SOS2: variants seen among roughly 807,000 people sequenced by gnomAD.
The protein encoded by SOS2 is son of sevenless homolog 2.
SOS2 carries 65 observed loss-of-function variants against 148.2 expected under a neutral mutation model. The ratio of observed to expected loss-of-function variants is 0.44; its 90% CI spans 0.36 to 0.54. The LOEUF (loss-of-function observed/expected upper bound fraction) is 0.54. Ranked by LOEUF, SOS2 falls within the 20% of genes least tolerant of loss-of-function variation. The probability of loss-of-function intolerance (pLI) is 0.00; values close to 1 mark genes in which losing one functional copy is unlikely to be tolerated. For synonymous variants in SOS2, 539 were observed against 537.1 expected, an observed-to-expected ratio of 1.00 and a Z score of -0.05; for missense variants, 1,341 against 1,590.2, an observed-to-expected ratio of 0.84 and a Z score of 2.67.
chr14:50,132,584 C>G (rs1883916314), intron 19 of SOS2, among the ~76,000 whole-genome samples: 1 of 151,974 alleles, frequency 6.6e-6, no homozygotes, highest in Non-Finnish European at 1.5e-5. Flanking sequence ...TTGCTTGAAC[C>G]TGGGAGGTGG....
intron 4 of SOS2, among the ~76,000 whole-genome samples, chr14:50,197,931 C>T (rs966258297): frequency 4.0e-5 from 6 of 151,328 alleles, no homozygotes; most frequent in Admixed American, 4.0e-4. Flanking sequence ...CTTAAGTGAC[C>T]TGCCCGCCTC....
At chr14:50,134,298 TAAAA>T (rs763172249) in intron 18 of SOS2, 59 bp from the exon 19 acceptor site, 7 of 801,308 alleles carry the variant, frequency 8.7e-6, no homozygotes, top group Non-Finnish European at 1.4e-5. Flanking sequence ...TAGATCTTAT[TAAAA>T]TAAGATCTCA....
intron 20 of SOS2, 104 bp downstream of exon 20, chr14:50,130,396 CT>C: frequency 4.4e-6 from 4 of 909,434 alleles, no homozygotes; most frequent in Non-Finnish European, 3.3e-6. Context: ...ACTTTTCACA[CT>C]AATATAGTTT....
chr14:50,171,267 C>T (rs1197330633), intron 8 of SOS2, among the ~76,000 whole-genome samples: 1 of 152,098 alleles, frequency 6.6e-6, no homozygotes, highest in South Asian at 2.1e-4. Flanking sequence ...GATAACATTA[C>T]CATACGATCC....
intron 4 of SOS2, among the ~76,000 whole-genome samples, chr14:50,197,241 G>A (rs1417640660): frequency 6.6e-6 from 1 of 152,074 alleles, no homozygotes. Flanking sequence ...GTGTGATAAA[G>A]AATAAGATAC....
At chr14:50,118,909 ATTTTT>A in intron 22 of SOS2, 56 bp from the exon 23 acceptor site, 2 of 1,149,850 alleles carry the variant, frequency 1.7e-6, no homozygotes, top group Non-Finnish European at 2.3e-6. Context: ...AAAAAAAAAA[ATTTTT>A]AAGTCTGAAA....
intron 21 of SOS2, among the ~76,000 whole-genome samples, chr14:50,125,196 T>C (rs550428492): frequency 1.3e-5 from 2 of 152,140 alleles, no homozygotes; most frequent in Non-Finnish European, 2.9e-5. Context: ...TAAAGAAACA[T>C]ACCGCGAGAA....
At chr14:50,216,000 C>T (rs1372580973) in intron 1 of SOS2, among the ~76,000 whole-genome samples, 1 of 152,122 alleles carries the variant, frequency 6.6e-6, no homozygotes, top group Non-Finnish European at 1.5e-5. Context: ...TTGCCAAATT[C>T]TTCATTGTGC....
At chr14:50,141,493 C>T (rs563899643) in intron 16 of SOS2, among the ~76,000 whole-genome samples, 2 of 152,092 alleles carry the variant, frequency 1.3e-5, no homozygotes, top group East Asian at 3.9e-4. Context: ...TGTACTCCAG[C>T]CTGGGTGACA....
chr14:50,118,236 AG>A lies in SOS2; in HGVS notation c.*107del. On this transcript the variant is annotated 3_prime_UTR_variant, in exon 23 of 23. Coordinates refer to ENST00000216373, the MANE Select transcript of SOS2 (RefSeq NM_006939.4). ...TTATTTGATCAGTAGCATTTTTGTA[AG>A]AGCATTATTTGTAAAAAGTACTAAA... 1 of 907,566 alleles carries A rather than the reference AG, an allele frequency of 1.1e-6. No individual in the cohort carries two copies. The allele number at this position is 907,566 out of a possible 1,614,324, so 56.2% of individuals were successfully genotyped here.
chr14:50,129,329 T>C (rs1883790962), intron 21 of SOS2, among the ~76,000 whole-genome samples: 2 of 152,182 alleles, frequency 1.3e-5, no homozygotes, highest in Non-Finnish European at 2.9e-5. Flanking sequence ...GACATGAAAT[T>C]ACTATTCATT....
chr14:50,187,869 A>C (rs1277628453), intron 5 of SOS2, among the ~76,000 whole-genome samples: 1 of 152,298 alleles, frequency 6.6e-6, no homozygotes, highest in East Asian at 1.9e-4. Context: ...TACTTACCAA[A>C]AGACAGAAAA....
intron 14 of SOS2, among the ~76,000 whole-genome samples, chr14:50,147,030 A>C (rs1178766421): frequency 7.3e-6 from 1 of 137,902 alleles, no homozygotes; most frequent in Non-Finnish European, 1.7e-5. Context: ...ATCCTATCTC[A>C]AAAAAATAAA....
chr14:50,122,402 T>TTTTC (rs1394127199), intron 21 of SOS2, among the ~76,000 whole-genome samples: 3 of 145,320 alleles, frequency 2.1e-5, no homozygotes, highest in African/African-American at 7.8e-5. Context: ...TTTTTTTTTT[T>TTTTC]TTTTTTTTTT....
In SOS2 at chr14:50,140,504, C is replaced by G. The variant is rs539994319; in HGVS notation, c.2668-445G>C. ...TAGTGAATGAAGTAAACTAGCATTT[C>G]TTTTATACTTCATTACTAGATCTTC... On this transcript the variant is annotated intron_variant, in intron 16 of 22. Transcript: ENST00000216373. Among the ~76,000 whole-genome samples, 10 of 152,230 alleles carry G rather than the reference C, an allele frequency of 6.6e-5. 1 individual carries two copies. Among genetic ancestry groups the G allele is most frequent in the African/African-American group, 2.4e-4 (10 of 41,538 alleles).
At chr14:50,140,524 ATCT>A (rs1243204723) in intron 16 of SOS2, among the ~76,000 whole-genome samples, 2 of 152,344 alleles carry the variant, frequency 1.3e-5, no homozygotes, top group African/African-American at 2.4e-5. Flanking sequence ...TCATTACTAG[ATCT>A]TCTTATTGAA....
intron 1 of SOS2, among the ~76,000 whole-genome samples, chr14:50,226,115 A>G (rs998759440): frequency 6.6e-6 from 1 of 152,036 alleles, no homozygotes; most frequent in Admixed American, 6.6e-5. Context: ...AAGCTTTATA[A>G]CAGCAGGGGC....
At position 50,120,258 on chromosome 14, in the gene SOS2, A is replaced by G. The variant is rs761218393; in HGVS notation, c.3489+17T>C. 1 of 1,150,576 alleles carries G rather than the reference A, an allele frequency of 8.7e-7. No homozygotes were observed. The highest frequency in any genetic ancestry group is 1.3e-6 in the Non-Finnish European group (1 of 766,802). The allele number at this position is 1,150,576 out of a possible 1,614,324, so 71.3% of individuals were successfully genotyped here. On this transcript the variant is annotated intron_variant, in intron 22 of 22. Coordinates refer to ENST00000216373, the MANE Select transcript of SOS2 (RefSeq NM_006939.4). ...TTCACAACTTTGAATAAGTTGGAGT[A>G]AAGTCCTGTTGATTACCTTGGAATT... is the stretch of plus-strand genomic sequence containing the variant.
chr14:50,124,854 CT>C (rs1266506530), intron 21 of SOS2, among the ~76,000 whole-genome samples: 1 of 152,016 alleles, frequency 6.6e-6, no homozygotes, highest in Non-Finnish European at 1.5e-5. Flanking sequence ...ATTTTATTTT[CT>C]TTGGGGATTT....
Sources: gnomAD v4.1 joint callset for allele counts (sites outside exome capture counted in the v4.1 genomes callset) on GRCh38, gnomAD v4.1.1 for gene constraint, MANE v1.5 for transcripts, NCBI Gene and HGNC (gene_info 2026-07-23, HGNC 2026-07-21) for gene names.